SLC8A1: variants seen among roughly 807,000 people sequenced by gnomAD.
SLC8A1 encodes sodium/calcium exchanger 1.
A neutral mutation model predicts 68.3 loss-of-function variants in SLC8A1; 18 were observed. The ratio of observed to expected loss-of-function variants is 0.26; its 90% CI spans 0.18 to 0.39. The LOEUF (loss-of-function observed/expected upper bound fraction) is 0.39. Among genes scored for constraint, SLC8A1 ranks in the 10% least tolerant of loss-of-function variants. The probability of loss-of-function intolerance (pLI) is 1.00; values close to 1 mark genes in which losing one functional copy is unlikely to be tolerated. For missense variants in SLC8A1, 985 were observed against 1,156.7 expected, an observed-to-expected ratio of 0.85 and a Z score of 2.15; for synonymous variants, 475 against 415.5, an observed-to-expected ratio of 1.14 and a Z score of -1.74.
At chr2:40,334,010 T>A (rs1185705833) in intron 2 of SLC8A1, among the ~76,000 whole-genome samples, 1 of 152,184 alleles carries the variant, frequency 6.6e-6, no homozygotes, top group Non-Finnish European at 1.5e-5. Flanking sequence ...ATGGCACCAT[T>A]GCATTCAGCC....
At chr2:40,447,152 C>G (rs1255526936) in intron 1 of SLC8A1, among the ~76,000 whole-genome samples, 1 of 152,110 alleles carries the variant, frequency 6.6e-6, no homozygotes, top group Non-Finnish European at 1.5e-5. Context: ...GTACAAGAAA[C>G]CATTTGTCTG....
At chr2:40,498,142 G>C (rs766475380) in intron 1 of SLC8A1, among the ~76,000 whole-genome samples, 1 of 152,024 alleles carries the variant, frequency 6.6e-6, no homozygotes, top group Non-Finnish European at 1.5e-5. Flanking sequence ...CAGGTGGATA[G>C]TAAAGATGAT....
At chr2:40,322,853 A>ACACACACCC (rs1485839935) in intron 2 of SLC8A1, among the ~76,000 whole-genome samples, 2 of 150,066 alleles carry the variant, frequency 1.3e-5, no homozygotes. Context: ...CACACACACC[A>ACACACACCC]CACACACCCC....
intron 1 of SLC8A1, among the ~76,000 whole-genome samples, chr2:40,499,574 G>A (rs1278174153): frequency 2.0e-5 from 3 of 152,078 alleles, no homozygotes; most frequent in East Asian, 1.9e-4. Context: ...GGGTCTGTGA[G>A]TTGGTGACAG....
intron 1 of SLC8A1, among the ~76,000 whole-genome samples, chr2:40,493,838 G>T (rs1705498223): frequency 6.6e-6 from 1 of 151,838 alleles, no homozygotes; most frequent in African/African-American, 2.4e-5. Flanking sequence ...CCAGTCAGTA[G>T]CTATGTTCCA....
intron 7 of SLC8A1, among the ~76,000 whole-genome samples, chr2:40,135,908 C>T (rs1182351388): frequency 6.6e-6 from 1 of 152,136 alleles, no homozygotes; most frequent in Admixed American, 6.6e-5. Context: ...GTTTTAGATA[C>T]AGTAATTCTG....
intron 2 of SLC8A1, among the ~76,000 whole-genome samples, chr2:40,275,452 C>A (rs1015340470): frequency 6.6e-5 from 10 of 152,174 alleles, no homozygotes; most frequent in Non-Finnish European, 1.0e-4. Flanking sequence ...TGAAGAACAA[C>A]TCTGAGGTTT....
chr2:40,232,698 C>A (rs567860302), intron 2 of SLC8A1, among the ~76,000 whole-genome samples: 5 of 136,804 alleles, frequency 3.7e-5, no homozygotes, highest in South Asian at 2.5e-4. Context: ...GTGCTGCACC[C>A]ACTAACTCGT....
At chr2:40,123,274 G>T (rs1008777217) in intron 7 of SLC8A1, 2 of 152,158 alleles carry the variant, frequency 1.3e-5, no homozygotes, top group Non-Finnish European at 2.9e-5. Context: ...ACTACACAAT[G>T]GTAAAGCAGC....
chr2:40,230,617 G>C (rs1383278549), intron 2 of SLC8A1, among the ~76,000 whole-genome samples: 1 of 152,086 alleles, frequency 6.6e-6, no homozygotes, highest in Admixed American at 6.6e-5. Flanking sequence ...GCTACTATGT[G>C]ATCAGTTTTT....
intron 2 of SLC8A1, among the ~76,000 whole-genome samples, chr2:40,346,032 C>G (rs1433064234): frequency 1.9e-5 from 2 of 105,792 alleles, no homozygotes; most frequent in African/African-American, 7.2e-5. Context: ...TAAACACACT[C>G]ATCAACATTA....
chr2:40,333,550 T>C (rs1357510704), intron 2 of SLC8A1, among the ~76,000 whole-genome samples: 1 of 152,146 alleles, frequency 6.6e-6, no homozygotes, highest in Non-Finnish European at 1.5e-5. Context: ...CTGAATTCTA[T>C]TCATTTTATT....
intron 2 of SLC8A1, among the ~76,000 whole-genome samples, chr2:40,274,469 C>G (rs1470557311): frequency 6.6e-6 from 1 of 152,034 alleles, no homozygotes; most frequent in East Asian, 1.9e-4. Context: ...AATGAGCATG[C>G]CAGAGAAACC....
intron 1 of SLC8A1, among the ~76,000 whole-genome samples, chr2:40,467,307 T>C (rs1364437986): frequency 6.6e-6 from 1 of 152,110 alleles, no homozygotes; most frequent in African/African-American, 2.4e-5. Flanking sequence ...GGAGCACTGA[T>C]GTATATGAAC....
chr2:40,350,955 A>T (rs920204788), intron 2 of SLC8A1, among the ~76,000 whole-genome samples: 1 of 152,176 alleles, frequency 6.6e-6, no homozygotes, highest in Admixed American at 6.6e-5. Context: ...AGGCTAGTAT[A>T]TGGCAGAGCT....
intron 1 of SLC8A1, among the ~76,000 whole-genome samples, chr2:40,506,354 C>A (rs1221005253): frequency 6.6e-6 from 1 of 151,808 alleles, no homozygotes; most frequent in East Asian, 1.9e-4. Flanking sequence ...GTTTTGGGGG[C>A]ATATACTTTT....
At chr2:40,342,271 A>T (rs1039724867) in intron 2 of SLC8A1, among the ~76,000 whole-genome samples, 2 of 152,180 alleles carry the variant, frequency 1.3e-5, no homozygotes, top group Non-Finnish European at 2.9e-5. Flanking sequence ...ATATATACTT[A>T]GCTCTGCAAA....
exon 2 of SLC8A1, chr2:40,429,396 C>A: frequency 6.2e-7 from 1 of 1,613,856 alleles, no homozygotes; most frequent in Non-Finnish European, 8.5e-7. Context: ...GAGAATTGAC[C>A]ACTTTCCCGT....
At chr2:40,250,634 G>A (rs62150776) in intron 2 of SLC8A1, 3 of 152,008 alleles carry the variant, frequency 2.0e-5, no homozygotes, top group East Asian at 1.9e-4. Flanking sequence ...AACATAATTT[G>A]GTCATATTGT....
Sources: allele counts gnomAD v4.1 joint callset (sites outside exome capture counted in the v4.1 genomes callset), GRCh38; gene constraint gnomAD v4.1.1; transcripts MANE v1.5; gene names NCBI Gene and HGNC (gene_info 2026-07-23, HGNC 2026-07-21).